The following HUWE1 variants were observed in gnomAD, a reference collection of about 807,000 sequenced individuals.
HUWE1 encodes E3 ubiquitin-protein ligase HUWE1.
Under a neutral mutation model 299.4 loss-of-function variants are expected in HUWE1, and 18 were observed. The observed-to-expected ratio is 0.06, with a 90% CI of 0.04 to 0.09. The LOEUF is 0.09. Ranked by LOEUF, HUWE1 falls within the 10% of genes least tolerant of loss-of-function variation. The pLI is 1.00. For synonymous variants in HUWE1, 1,317 were observed against 1,286.1 expected, an observed-to-expected ratio of 1.02 and a Z score of -0.51; for missense variants, 1,832 against 3,462.3, an observed-to-expected ratio of 0.53 and a Z score of 11.82.
At chrX:53,546,407 A>G in intron 70 of HUWE1, 29 bp downstream of exon 70, 1 of 1,193,925 alleles carries the variant, frequency 8.4e-7, no homozygotes. Context: ...AACCTTCAGA[A>G]AGAGAAAATG....
chrX:53,580,752 G>T, intron 43 of HUWE1, 79 bp downstream of exon 43: 1 of 996,076 alleles, frequency 1.0e-6, no homozygotes, highest in Non-Finnish European at 1.4e-6. Flanking sequence ...TCAAGTTACA[G>T]ACCTCCTCAT....
At chrX:53,535,262 CT>C in intron 81 of HUWE1, 121 bp downstream of exon 81, 1 of 554,399 alleles carries the variant, frequency 1.8e-6, no homozygotes, top group East Asian at 3.3e-5. Context: ...AGTGTTTTGT[CT>C]TTTGTGCAAG....
At chrX:53,578,574 G>C (rs1196833620) in intron 43 of HUWE1, among the ~76,000 whole-genome samples, 3 of 97,476 alleles carry the variant, frequency 3.1e-5, no homozygotes, top group Non-Finnish European at 6.3e-5. Flanking sequence ...CGTCCGGGAG[G>C]GGGGAGGGGG....
intron 47 of HUWE1, among the ~76,000 whole-genome samples, chrX:53,570,887 TGA>T (rs1372857350): frequency 2.7e-5 from 3 of 112,964 alleles, no homozygotes; most frequent in Admixed American, 1.9e-4. Flanking sequence ...TTGAATAATT[TGA>T]GAGTCTGAGA....
chrX:53,595,545 C>A, intron 29 of HUWE1, 142 bp from the exon 30 acceptor site: 1 of 529,790 alleles, frequency 1.9e-6, no homozygotes, highest in Non-Finnish European at 3.1e-6. Context: ...GTTCTACATT[C>A]AATAATCCAA....
At chrX:53,554,076 T>C (rs2061888940) in intron 61 of HUWE1, among the ~76,000 whole-genome samples, 1 of 111,362 alleles carries the variant, frequency 9.0e-6, no homozygotes, top group Non-Finnish European at 1.9e-5. Flanking sequence ...ATGCTTGCCA[T>C]CCTGGGAACT....
At chrX:53,631,151 G>T in intron 11 of HUWE1, 117 bp from the exon 12 acceptor site, 1 of 537,947 alleles carries the variant, frequency 1.9e-6, no homozygotes, top group South Asian at 2.7e-5. Context: ...TATCCGAAGT[G>T]TTCAGAAAGC....
intron 43 of HUWE1, among the ~76,000 whole-genome samples, 161 bp downstream of exon 43, chrX:53,580,670 G>C (rs2063572031): frequency 8.9e-6 from 1 of 112,286 alleles, no homozygotes; most frequent in Non-Finnish European, 1.9e-5. Flanking sequence ...AGAAGCTACT[G>C]AAGTACCTAA....
rs782804715 is a variant in HUWE1, at chrX:53,592,463, C to T, written c.3907G>A (p.Asp1303Asn). ...GAGCCACCTTCCTCTTGCCCTGTAT[C>T]CTCTTCTCCTCGAGACCCCTCCTTC... ...KEKEGSRGEE[D>N]TGQEEGGSRR... The change falls in exon 33 of 84, where the codon GAT becomes AAT. Residue 1303 changes from aspartate (D) to asparagine (N), a missense_variant. This residue lies in a region of HUWE1 where 658 missense variants were observed against 1,282.6 expected (regional missense o/e 0.51). Transcript: ENST00000262854. 1 of 1,210,815 alleles carries T rather than the reference C, an allele frequency of 8.3e-7. No homozygotes were observed. The highest frequency in any genetic ancestry group is 2.2e-5 in the Admixed American group (1 of 45,947).
At chrX:53,681,984 G>A (rs782133709) in intron 2 of HUWE1, among the ~76,000 whole-genome samples, 1 of 111,241 alleles carries the variant, frequency 9.0e-6, no homozygotes, top group East Asian at 2.8e-4. Context: ...CAAACATCAT[G>A]AACCACTGGA....
chrX:53,573,597 C>T (rs926199428), intron 47 of HUWE1, among the ~76,000 whole-genome samples, 153 bp downstream of exon 47: 1 of 112,712 alleles, frequency 8.9e-6, no homozygotes, highest in Admixed American at 9.3e-5. Flanking sequence ...CGTGAGCCAC[C>T]GCACCCGGCC....
chrX:53,669,660 G>C (rs2069419572), intron 3 of HUWE1, among the ~76,000 whole-genome samples: 1 of 111,736 alleles, frequency 8.9e-6, no homozygotes, highest in African/African-American at 3.3e-5. Flanking sequence ...CAAATTCCTA[G>C]GTTTTTAAAA....
At chrX:53,545,000 C>G in intron 71 of HUWE1, 29 bp downstream of exon 71, 1 of 1,204,109 alleles carries the variant, frequency 8.3e-7, no homozygotes, top group Non-Finnish European at 1.1e-6. Context: ...CAGATTCAAG[C>G]CCCCAGCCAA....
At chrX:53,632,381 G>T in intron 9 of HUWE1, 106 bp downstream of exon 9, 1 of 595,959 alleles carries the variant, frequency 1.7e-6, no homozygotes. Context: ...GAGGGCAGCA[G>T]TGTAGCTCAA....
At chrX:53,670,869 G>A (rs1196965818) in intron 3 of HUWE1, among the ~76,000 whole-genome samples, 1 of 111,622 alleles carries the variant, frequency 9.0e-6, no homozygotes, top group African/African-American at 3.3e-5. Flanking sequence ...TATATATGCA[G>A]TGAGCCATCT....
intron 42 of HUWE1, among the ~76,000 whole-genome samples, chrX:53,582,627 A>G (rs1363085729): frequency 7.1e-5 from 8 of 112,774 alleles, no homozygotes; most frequent in South Asian, 3.7e-4. Flanking sequence ...CCAAGAGAGG[A>G]AAACGGAAGC....
intron 29 of HUWE1, among the ~76,000 whole-genome samples, chrX:53,596,362 G>A (rs2064469186): frequency 1.8e-5 from 2 of 111,811 alleles, no homozygotes; most frequent in Admixed American, 1.9e-4. Flanking sequence ...AGTTAGGTAT[G>A]TCATAAACGC....
At chrX:53,620,528 G>A (rs1376313035) in intron 19 of HUWE1, among the ~76,000 whole-genome samples, 1 of 111,840 alleles carries the variant, frequency 8.9e-6, no homozygotes, top group Non-Finnish European at 1.9e-5. Context: ...GATTACAGGT[G>A]TGAGCCAGTG....
chrX:53,668,384 G>A (rs1463740328), intron 3 of HUWE1, among the ~76,000 whole-genome samples: 3 of 106,482 alleles, frequency 2.8e-5, no homozygotes, highest in African/African-American at 1.0e-4. Context: ...GGAGGTTGCA[G>A]TGAGTCGAGA....
Sources: gnomAD v4.1 joint callset for allele counts (sites outside exome capture counted in the v4.1 genomes callset) on GRCh38, gnomAD v4.1.1 for gene constraint, gnomAD v4.1.1 regional missense constraint, MANE v1.5 for transcripts, NCBI Gene and HGNC (gene_info 2026-07-23, HGNC 2026-07-21) for gene names.